Variants in PCSK2 observed in about 807,000 individuals in gnomAD.
PCSK2 encodes the protein neuroendocrine convertase 2.
A neutral mutation model predicts 69.7 loss-of-function variants in PCSK2; 14 were observed. The observed-to-expected ratio is 0.20, with a 90% CI of 0.13 to 0.31. The LOEUF (loss-of-function observed/expected upper bound fraction) is 0.31, where lower values mean the gene tolerates loss of function less well. Ranked by LOEUF, PCSK2 falls within the 10% of genes least tolerant of loss-of-function variation. PCSK2 has a pLI of 1.00. For missense variants in PCSK2, 544 were observed against 842.5 expected, an observed-to-expected ratio of 0.65 and a Z score of 4.39; for synonymous variants, 307 against 320.7, an observed-to-expected ratio of 0.96 and a Z score of 0.46.
chr20:17,306,368 A>T (rs1319772153), intron 2 of PCSK2, among the ~76,000 whole-genome samples: 1 of 152,160 alleles, frequency 6.6e-6, no homozygotes, highest in South Asian at 2.1e-4. Flanking sequence ...CTGAACCTGC[A>T]TACAGACTGA....
At chr20:17,335,427 TTG>T (rs56275148) in intron 2 of PCSK2, among the ~76,000 whole-genome samples, 3,089 of 139,230 alleles carry the variant, frequency 0.022, 89 homozygotes, top group African/African-American at 0.073. Context: ...CAGCATCACT[TTG>T]TGTGTGTGTG....
intron 2 of PCSK2, among the ~76,000 whole-genome samples, chr20:17,271,846 G>A (rs1189114854): frequency 6.6e-6 from 1 of 151,972 alleles, no homozygotes; most frequent in African/African-American, 2.4e-5. Context: ...TACATCATCA[G>A]AACAAATTTT....
At chr20:17,287,908 C>T (rs1988573064) in intron 2 of PCSK2, among the ~76,000 whole-genome samples, 1 of 152,182 alleles carries the variant, frequency 6.6e-6, no homozygotes, top group Non-Finnish European at 1.5e-5. Context: ...TTGCCTAACA[C>T]CTGACCTTGA....
Position 17,358,448 on chromosome 20 carries a change from T to C in PCSK2, c.396+8T>C, listed in dbSNP as rs376694430. The C allele has an allele frequency of 1.4e-5, 19 of 1,400,318 alleles. No individual in the cohort carries two copies. In the African/African-American group the frequency reaches 2.7e-4, roughly 20 times the overall value. The allele number at this position is 1,400,318 out of a possible 1,614,324, so 86.7% of individuals were successfully genotyped here. ...ACAAAGCAGTGGTATCTGGTGAGTG[T>C]CTTTATGTCCTTTTGGACATTTCCC... is the stretch of plus-strand genomic sequence containing the variant. On this transcript the variant is annotated splice_region_variant and intron_variant, in intron 3 of 11. Transcript: ENST00000262545.
chr20:17,245,138 T>G (rs1336212638), intron 1 of PCSK2, among the ~76,000 whole-genome samples: 2 of 152,140 alleles, frequency 1.3e-5, no homozygotes, highest in Non-Finnish European at 2.9e-5. Context: ...ATGATTACAT[T>G]CTCACCCTCA....
At position 17,335,979 on chromosome 20, in the gene PCSK2, C is replaced by T. The variant is rs576834786; in HGVS notation, c.283-22348C>T. On this transcript the variant is annotated intron_variant, in intron 2 of 11. Coordinates refer to ENST00000262545, the MANE Select transcript of PCSK2 (RefSeq NM_002594.5). ...CAATTTTGAATTGTGTGGCTCATCA[C>T]AGCATCACCTATTTCATGATAAATC... Among the ~76,000 whole-genome samples the T allele has an allele frequency of 3.9e-5, 6 of 151,942 alleles. No homozygotes were observed. In the South Asian group the frequency reaches 1.2e-3, roughly 32 times the overall value.
intron 6 of PCSK2, among the ~76,000 whole-genome samples, chr20:17,410,839 G>T (rs1162655274): frequency 2.6e-5 from 4 of 152,236 alleles, no homozygotes; most frequent in Non-Finnish European, 5.9e-5. Flanking sequence ...GCTGAGAAGG[G>T]CCATGAGAGG....
At chr20:17,427,424 T>C (rs1036082184) in intron 6 of PCSK2, among the ~76,000 whole-genome samples, 29 of 152,134 alleles carry the variant, frequency 1.9e-4, no homozygotes, top group Non-Finnish European at 7.4e-5. Context: ...GGTTTTCATT[T>C]GGACACCCCA....
intron 2 of PCSK2, among the ~76,000 whole-genome samples, chr20:17,282,876 T>C (rs1001455973): frequency 1.3e-5 from 2 of 152,186 alleles, no homozygotes; most frequent in Non-Finnish European, 2.9e-5. Flanking sequence ...GTAGATAAGC[T>C]GGCAGGATTT....
At chr20:17,331,690 G>A (rs1223815114) in intron 2 of PCSK2, among the ~76,000 whole-genome samples, 1 of 151,808 alleles carries the variant, frequency 6.6e-6, no homozygotes, top group East Asian at 1.9e-4. Flanking sequence ...TTTATTATTG[G>A]AGAGAAGGTA....
intron 3 of PCSK2, 106 bp from the exon 4 acceptor site, chr20:17,360,426 G>A (rs867116498): frequency 2.8e-5 from 18 of 637,380 alleles, no homozygotes; most frequent in Middle Eastern, 5.2e-4. Flanking sequence ...CCTTTGAGCT[G>A]GTCCTGAAAT....
intron 2 of PCSK2, among the ~76,000 whole-genome samples, chr20:17,311,089 A>G (rs1395848724): frequency 6.6e-6 from 1 of 152,066 alleles, no homozygotes; most frequent in African/African-American, 2.4e-5. Context: ...AATTAGAAAG[A>G]TCAACAACTA....
At chr20:17,272,514 A>G (rs1987909073) in intron 2 of PCSK2, among the ~76,000 whole-genome samples, 1 of 152,098 alleles carries the variant, frequency 6.6e-6, no homozygotes, top group Admixed American at 6.6e-5. Context: ...ATCTTATTAG[A>G]GTTCATTCTG....
intron 2 of PCSK2, among the ~76,000 whole-genome samples, chr20:17,307,508 G>A (rs572818579): frequency 6.6e-6 from 1 of 152,180 alleles, no homozygotes; most frequent in African/African-American, 2.4e-5. Context: ...GATGGCTAGG[G>A]CCAGAACAAG....
chr20:17,380,173 A>G (rs2031049969), intron 5 of PCSK2, among the ~76,000 whole-genome samples: 1 of 152,218 alleles, frequency 6.6e-6, no homozygotes, highest in Admixed American at 6.5e-5. Context: ...TTAAGCCACT[A>G]TGTTTGTAAT....
At chr20:17,353,063 G>T (rs2030047354) in intron 2 of PCSK2, among the ~76,000 whole-genome samples, 1 of 152,042 alleles carries the variant, frequency 6.6e-6, no homozygotes, top group South Asian at 2.1e-4. Context: ...CACACAGGTG[G>T]CCAACAAACA....
intron 1 of PCSK2, among the ~76,000 whole-genome samples, chr20:17,259,643 G>T (rs998873578): frequency 1.3e-5 from 2 of 152,168 alleles, no homozygotes; most frequent in Non-Finnish European, 2.9e-5. Flanking sequence ...GACTGGTTCT[G>T]ACCTGATTTC....
intron 2 of PCSK2, among the ~76,000 whole-genome samples, chr20:17,338,492 G>T (rs1330012979): frequency 6.6e-6 from 1 of 151,056 alleles, no homozygotes; most frequent in Non-Finnish European, 1.5e-5. Context: ...ACCGTGCCCA[G>T]CTAACCTTAT....
chr20:17,254,008 A>C (rs932324170), intron 1 of PCSK2, among the ~76,000 whole-genome samples: 1 of 152,182 alleles, frequency 6.6e-6, no homozygotes, highest in African/African-American at 2.4e-5. Flanking sequence ...GGCCATTTTT[A>C]CTTCTTCTTT....
Sources: allele counts gnomAD v4.1 joint callset (sites outside exome capture counted in the v4.1 genomes callset), GRCh38; gene constraint gnomAD v4.1.1; transcripts MANE v1.5; gene names NCBI Gene and HGNC (gene_info 2026-07-23, HGNC 2026-07-21).